Variants in ERGIC1 observed in about 807,000 individuals in gnomAD.
The protein encoded by ERGIC1 is endoplasmic reticulum-Golgi intermediate compartment protein 1.
In ERGIC1, 19 loss-of-function variants were observed where a neutral mutation model predicts 38.3. That is an observed-to-expected ratio of 0.50 (90% CI 0.35 to 0.73). ERGIC1 has a LOEUF of 0.73. Ranked by LOEUF, ERGIC1 falls within the 30% of genes least tolerant of loss-of-function variation. The pLI, the probability that ERGIC1 is intolerant of heterozygous loss-of-function variation, is 0.01. For missense variants in ERGIC1, 294 were observed against 389.2 expected (o/e 0.76, Z 2.06); for synonymous variants, 124 against 157.6 (o/e 0.79, Z 1.60).
chr5:172,882,819 C>T (rs773428603), intron 1 of ERGIC1, among the ~76,000 whole-genome samples: 2 of 152,164 alleles, frequency 1.3e-5, no homozygotes, highest in Non-Finnish European at 2.9e-5. Flanking sequence ...CTGCCTGACA[C>T]CCAGGAGTCA....
intron 3 of ERGIC1, among the ~76,000 whole-genome samples, chr5:172,907,354 T>C (rs891535388): frequency 1.3e-5 from 2 of 152,082 alleles, no homozygotes; most frequent in Non-Finnish European, 2.9e-5. Flanking sequence ...GGTCAGGAGT[T>C]CAAGACCAGC....
intron 3 of ERGIC1, among the ~76,000 whole-genome samples, chr5:172,897,347 T>C (rs1762746241): frequency 6.6e-6 from 1 of 151,314 alleles, no homozygotes; most frequent in South Asian, 2.1e-4. Flanking sequence ...GAGAATTGCT[T>C]GACCCTGGGA....
intron 1 of ERGIC1, among the ~76,000 whole-genome samples, chr5:172,842,263 C>A (rs1311269976): frequency 1.3e-5 from 2 of 152,178 alleles, no homozygotes; most frequent in Non-Finnish European, 2.9e-5. Context: ...ATTTTAGATA[C>A]TTCATGTAAG....
At chr5:172,927,981 GC>G (rs1763694372) in intron 7 of ERGIC1, among the ~76,000 whole-genome samples, 1 of 152,128 alleles carries the variant, frequency 6.6e-6, no homozygotes, top group Non-Finnish European at 1.5e-5. Flanking sequence ...CATTCATGCT[GC>G]CTCCAGCAAC....
At chr5:172,889,452 A>G (rs1328044518) in intron 2 of ERGIC1, among the ~76,000 whole-genome samples, 1 of 152,160 alleles carries the variant, frequency 6.6e-6, no homozygotes, top group African/African-American at 2.4e-5. Context: ...TCTAAAGACC[A>G]TTCTTCAATA....
chr5:172,839,968 GA>G (rs1307442455), intron 1 of ERGIC1, among the ~76,000 whole-genome samples: 1 of 152,204 alleles, frequency 6.6e-6, no homozygotes, highest in Non-Finnish European at 1.5e-5. Context: ...AGAGAACTGA[GA>G]ACTCTTCTAA....
intron 1 of ERGIC1, among the ~76,000 whole-genome samples, chr5:172,888,168 G>A (rs1173158833): frequency 2.6e-5 from 4 of 152,200 alleles, no homozygotes; most frequent in Non-Finnish European, 5.9e-5. Flanking sequence ...AAGACCCACC[G>A]ATGAGTGGGA....
At chr5:172,922,286 A>G (rs912182768) in intron 5 of ERGIC1, 2 of 152,260 alleles carry the variant, frequency 1.3e-5, no homozygotes, top group Non-Finnish European at 2.9e-5. Flanking sequence ...GAATTATCAG[A>G]TGACAAAGTC....
rs1379201052 is a variant in ERGIC1 at position 172,834,771 on chromosome 5, A to G, written c.20+338A>G. On this transcript the variant is annotated intron_variant, in intron 1 of 9. Coordinates refer to ENST00000393784, the MANE Select transcript of ERGIC1 (RefSeq NM_001031711.3). This position sits in a 1 kb window ranked among gnomAD's most constrained non-coding sequence, Gnocchi z 4.1. Reference sequence around the variant, plus strand: ...TGGGAACAGCCCATAACACCCCAGCATCCCTCTCCTCCCTCTACTGAGCCT... The same window carrying G: ...TGGGAACAGCCCATAACACCCCAGCGTCCCTCTCCTCCCTCTACTGAGCCT... Among the ~76,000 whole-genome samples the G allele has an allele frequency of 6.6e-6, 1 of 151,848 alleles. No homozygotes were observed. The highest frequency in any genetic ancestry group is 1.5e-5 in the Non-Finnish European group (1 of 67,942).
At position 172,837,349 on chromosome 5, in the gene ERGIC1, ATCCATTTT is replaced by A. The variant is rs1761061260; in HGVS notation, c.20+2917_20+2924del. ...CATTTAGACACAGAGTAAGCGCCTCATCCATTTTGGCCGCCATATTTATTTGTGTCATT... is the reference window on the plus strand; with the variant it reads ...CATTTAGACACAGAGTAAGCGCCTCAGGCCGCCATATTTATTTGTGTCATT... On this transcript the variant is annotated intron_variant, in intron 1 of 9. Transcript: ENST00000393784. This position sits in a 1 kb window ranked among gnomAD's most constrained non-coding sequence, Gnocchi z 4.3. Among the ~76,000 whole-genome samples the A allele has an allele frequency of 6.6e-6, 1 of 152,188 alleles. No homozygotes were observed. The highest frequency in any genetic ancestry group is 1.9e-4 in the East Asian group (1 of 5,202).
chr5:172,911,501 T>C (rs1763207876), intron 4 of ERGIC1, among the ~76,000 whole-genome samples: 1 of 152,176 alleles, frequency 6.6e-6, no homozygotes, highest in Admixed American at 6.5e-5. Flanking sequence ...GGCTATAACC[T>C]GAACCCCCAA....
chr5:172,935,165 G>C, intron 8 of ERGIC1, 23 bp from the exon 9 acceptor site: 3 of 1,613,946 alleles, frequency 1.9e-6, no homozygotes, highest in Non-Finnish European at 2.5e-6. Flanking sequence ...TTGTACTTCT[G>C]ATTCTTATAT....
At position 172,924,118 on chromosome 5, in the gene ERGIC1, G is replaced by A. The variant is rs1340778243; in HGVS notation, c.480+9G>A. The A allele has an allele frequency of 6.2e-7, 1 of 1,613,586 alleles. No individual in the cohort carries two copies. Among genetic ancestry groups the A allele is most frequent in the Admixed American group, 1.7e-5 (1 of 59,940 alleles). On this transcript the variant is annotated intron_variant, in intron 6 of 9. Coordinates refer to ENST00000393784, the MANE Select transcript of ERGIC1 (RefSeq NM_001031711.3). ...TTGGGGACACGCTACAGGTGAGCAG[G>A]GGACACTCGAGATGGCATGGCCGGG... is the stretch of plus-strand genomic sequence containing the variant.
Position 172,952,034 on chromosome 5 carries a change from G to A in ERGIC1, c.*1218G>A, listed in dbSNP as rs1297103887. 3 of 152,248 alleles carry A rather than the reference G, an allele frequency of 2.0e-5. No individual in the cohort carries two copies. Among genetic ancestry groups the A allele is most frequent in the Non-Finnish European group, 4.4e-5 (3 of 68,046 alleles). 9.4% of individuals were successfully genotyped at this position (152,248 alleles called of 1,614,324 possible). On this transcript the variant is annotated 3_prime_UTR_variant, in exon 10 of 10. Coordinates refer to ENST00000393784, the MANE Select transcript of ERGIC1 (RefSeq NM_001031711.3). ...TCCTGAGGTGGGTCCCTACCCTGCT[G>A]CTCCTCTTCATCCTTTCCCTTTTGT...
At chr5:172,842,459 T>C (rs1034566833) in intron 1 of ERGIC1, among the ~76,000 whole-genome samples, 2 of 152,246 alleles carry the variant, frequency 1.3e-5, no homozygotes, top group Non-Finnish European at 2.9e-5. Context: ...TTGGCAGTTA[T>C]GAATAATGCT....
intron 1 of ERGIC1, among the ~76,000 whole-genome samples, chr5:172,845,044 A>AGGG (rs879845388): frequency 5.3e-5 from 8 of 151,576 alleles, no homozygotes; most frequent in East Asian, 1.9e-4. Context: ...AGGGGTATAT[A>AGGG]GGGGGGACAG....
At chr5:172,942,662 C>T (rs1764036777) in intron 9 of ERGIC1, among the ~76,000 whole-genome samples, 1 of 152,160 alleles carries the variant, frequency 6.6e-6, no homozygotes, top group Non-Finnish European at 1.5e-5. Flanking sequence ...CCGTGGTATT[C>T]CAAGCTGAAC....
At chr5:172,854,844 T>G (rs1188085455) in intron 1 of ERGIC1, among the ~76,000 whole-genome samples, 4 of 152,260 alleles carry the variant, frequency 2.6e-5, no homozygotes, top group Non-Finnish European at 5.9e-5. Context: ...AAGTTTGGTG[T>G]TGTTTTTGTG....
intron 3 of ERGIC1, among the ~76,000 whole-genome samples, chr5:172,908,715 C>T (rs1763121188): frequency 6.6e-6 from 1 of 152,152 alleles, no homozygotes; most frequent in Non-Finnish European, 1.5e-5. Flanking sequence ...GAACACAGCC[C>T]GTTTTAGACT....
Sources: gnomAD v4.1 joint callset for allele counts (sites outside exome capture counted in the v4.1 genomes callset) on GRCh38, gnomAD v4.1.1 for gene constraint, Gnocchi (gnomAD v3.1) non-coding constraint, MANE v1.5 for transcripts, NCBI Gene and HGNC (gene_info 2026-07-23, HGNC 2026-07-21) for gene names.